Variants in BPTF observed in about 807,000 individuals in gnomAD.
BPTF encodes the protein bromodomain PHD finger transcription factor, also known as nucleosome-remodeling factor subunit BPTF.
In BPTF, 18 loss-of-function variants were observed where a neutral mutation model predicts 292.5. The ratio of observed to expected loss-of-function variants is 0.06; its 90% CI spans 0.04 to 0.09. The LOEUF is 0.09. BPTF is among the 10% of genes least tolerant of loss of function. The probability of loss-of-function intolerance (pLI) is 1.00; values close to 1 mark genes in which losing one functional copy is unlikely to be tolerated. For missense variants in BPTF, 2,726 were observed against 3,498.7 expected (o/e 0.78, Z 5.57); for synonymous variants, 1,225 against 1,251.9 (o/e 0.98, Z 0.45).
chr17:67,908,177 G>A (rs2062365443), intron 9 of BPTF, among the ~76,000 whole-genome samples: 1 of 151,984 alleles, frequency 6.6e-6, no homozygotes, highest in Non-Finnish European at 1.5e-5. Flanking sequence ...TTTTATGTGT[G>A]TGACAGAGTC....
At position 67,825,811 on chromosome 17, in the gene BPTF, G is replaced by A; in HGVS notation, c.87G>A (p.Pro29=). ...CCCCGGCCCCGCCGCCACCGCCGCCGCCGCCCACGTCCGGACCCATCGGGG... is the reference window on the plus strand; with the variant it reads ...CCCCGGCCCCGCCGCCACCGCCGCCACCGCCCACGTCCGGACCCATCGGGG... ...RCAPAPPPPP[P]PPTSGPIGGL... is the part of the protein sequence containing the mutation. The change falls in exon 1 of 28, where the codon CCG becomes CCA. Residue 29 remains proline, a synonymous_variant. Transcript: ENST00000306378. 2 of 1,025,900 alleles carry A rather than the reference G, an allele frequency of 1.9e-6. No homozygotes were observed. The highest frequency in any genetic ancestry group is 2.3e-6 in the Non-Finnish European group (2 of 858,484). The allele number at this position is 1,025,900 out of a possible 1,614,324, so 63.5% of individuals were successfully genotyped here.
chr17:67,869,314 G>T (rs2059570339), intron 3 of BPTF, among the ~76,000 whole-genome samples: 1 of 152,142 alleles, frequency 6.6e-6, no homozygotes, highest in African/African-American at 2.4e-5. Flanking sequence ...CTGTGTGTTA[G>T]ATTATGTATA....
chr17:67,834,383 T>G (rs1209757166), intron 1 of BPTF, among the ~76,000 whole-genome samples: 1 of 152,220 alleles, frequency 6.6e-6, no homozygotes, highest in African/African-American at 2.4e-5. Flanking sequence ...AAAAGAATTT[T>G]GTATTCTGCT....
chr17:67,964,618 A>C (rs1385052036), intron 25 of BPTF, among the ~76,000 whole-genome samples: 75 of 152,106 alleles, frequency 4.9e-4, no homozygotes, highest in Admixed American at 1.3e-4. Context: ...CACTCACAAG[A>C]GTGTTAACAT....
intron 1 of BPTF, among the ~76,000 whole-genome samples, chr17:67,826,633 C>T (rs557981504): frequency 7.1e-5 from 10 of 141,762 alleles, no homozygotes; most frequent in African/African-American, 2.6e-4. Context: ...AGTGCAGTGT[C>T]TCCACCGGGC....
intron 1 of BPTF, among the ~76,000 whole-genome samples, chr17:67,843,205 T>C (rs954854029): frequency 2.4e-5 from 3 of 127,014 alleles, no homozygotes; most frequent in African/African-American, 7.6e-5. Flanking sequence ...TACATACATG[T>C]AGATGTATGT....
At chr17:67,893,954 A>G in intron 6 of BPTF, 80 bp from the exon 7 acceptor site, 1 of 1,526,962 alleles carries the variant, frequency 6.5e-7, no homozygotes, top group Non-Finnish European at 9.0e-7. Context: ...AATCAGATGG[A>G]GGCCAAAGTT....
chr17:67,909,276 C>A (rs552220324), intron 9 of BPTF, among the ~76,000 whole-genome samples: 3 of 88,134 alleles, frequency 3.4e-5, no homozygotes, highest in Non-Finnish European at 5.1e-5. Context: ...GGTCCCCCCC[C>A]CCCTTTTTTT....
At chr17:67,863,309 C>A (rs904803327) in intron 2 of BPTF, among the ~76,000 whole-genome samples, 1 of 152,098 alleles carries the variant, frequency 6.6e-6, no homozygotes, top group African/African-American at 2.4e-5. Flanking sequence ...TTTTTTGAGA[C>A]ACGGAGTCTC....
intron 23 of BPTF, among the ~76,000 whole-genome samples, chr17:67,953,208 A>C (rs1302629061): frequency 2.0e-5 from 3 of 149,554 alleles, no homozygotes; most frequent in African/African-American, 4.9e-5. Context: ...TGGTCCACCC[A>C]CTTTGGCCTC....
In BPTF at chr17:67,893,547, C is replaced by T; in HGVS notation, c.2233C>T (p.His745Tyr). 1.2e-6 allele frequency: 2 copies of T among 1,614,024 alleles called. No homozygotes were observed. Among genetic ancestry groups the T allele is most frequent in the Non-Finnish European group, 1.7e-6 (2 of 1,179,966 alleles). ...GAATAAGCACCAGCACAGAGAAGAC[C>T]ATGATAAGAGAAGGCATCTTGCACA... The part of the protein sequence containing the change: ...ALNKHQHRED[H>Y]DKRRHLAHKF... Residue 745 changes from histidine (H) to tyrosine (Y), a missense_variant, in exon 6 of 28, where the codon CAT (histidine) becomes TAT (tyrosine). Around this residue, in one of 22 missense-constraint regions of BPTF, gnomAD observed 99 missense variants for 227.1 expected, o/e 0.44. Transcript: ENST00000306378.
intron 1 of BPTF, among the ~76,000 whole-genome samples, chr17:67,837,882 T>C (rs780894841): frequency 6.6e-6 from 1 of 152,204 alleles, no homozygotes; most frequent in Non-Finnish European, 1.5e-5. Flanking sequence ...AATGGCAGGA[T>C]GTCTGTTTTG....
intron 11 of BPTF, among the ~76,000 whole-genome samples, chr17:67,916,728 T>G (rs1188985769): frequency 2.8e-5 from 4 of 141,464 alleles, no homozygotes; most frequent in African/African-American, 1.1e-4. Context: ...ATTGCTCCAC[T>G]GCACTCCAGC....
chr17:67,982,145 A>C (rs782623517), intron 27 of BPTF, 107 bp from the exon 28 acceptor site: 2 of 1,006,898 alleles, frequency 2.0e-6, no homozygotes, highest in Non-Finnish European at 3.1e-6. Context: ...TGAATGAAAG[A>C]ACATGGCTGC....
chr17:67,847,692 GA>G (rs951492352), intron 1 of BPTF, among the ~76,000 whole-genome samples: 1 of 146,298 alleles, frequency 6.8e-6, no homozygotes, highest in African/African-American at 2.5e-5. Context: ...AAAAAAAAAA[GA>G]AAAAAGAAAG....
chr17:67,878,646 C>A (rs1172675413), intron 4 of BPTF, among the ~76,000 whole-genome samples: 1 of 151,802 alleles, frequency 6.6e-6, no homozygotes, highest in Non-Finnish European at 1.5e-5. Flanking sequence ...TGCTAGCTCC[C>A]TTGTGACTAA....
intron 4 of BPTF, among the ~76,000 whole-genome samples, chr17:67,888,910 T>G (rs2060922219): frequency 6.6e-6 from 1 of 152,284 alleles, no homozygotes; most frequent in South Asian, 2.1e-4. Context: ...TTGGCAGGTT[T>G]GGGGTTTTTT....
chr17:67,952,357 G>A (rs1456334976), intron 23 of BPTF, among the ~76,000 whole-genome samples: 3 of 150,768 alleles, frequency 2.0e-5, no homozygotes, highest in Non-Finnish European at 2.9e-5. Flanking sequence ...TCTGCCTGCT[G>A]GGTTCAAGCA....
At position 67,931,944 on chromosome 17, in the gene BPTF, A is replaced by T. The variant is rs766336562; in HGVS notation, c.6184A>T (p.Thr2062Ser). 1.9e-6 allele frequency: 3 copies of T among 1,613,902 alleles called. No individual in the cohort carries two copies. The highest frequency in any genetic ancestry group is 2.5e-6 in the Non-Finnish European group (3 of 1,179,978). The part of the protein sequence containing the change: ...ITGPQIRPGM[T>S]VIRTPLQQST... ...AGGGCCTCAGATTCGCCCTGGTATG[A>T]CCGTGATTAGAACACCACTCCAACA... The change falls in exon 18 of 28, where the codon ACC becomes TCC. Residue 2062 changes from threonine (T) to serine (S), a missense_variant. By Grantham distance (58) the Thr-to-Ser change is moderately conservative. Transcript: ENST00000306378.
Sources: gnomAD v4.1 joint callset for allele counts (sites outside exome capture counted in the v4.1 genomes callset) on GRCh38, gnomAD v4.1.1 for gene constraint, gnomAD v4.1.1 regional missense constraint, MANE v1.5 for transcripts, NCBI Gene and HGNC (gene_info 2026-07-23, HGNC 2026-07-21) for gene names.